The following CHAF1A variants were observed in gnomAD, a reference collection of about 807,000 sequenced individuals.
The protein encoded by CHAF1A is CAF-1 subunit A.
A neutral mutation model predicts 93.2 loss-of-function variants in CHAF1A; 5 were observed. That is an observed-to-expected ratio of 0.05 (90% confidence interval 0.03 to 0.11). CHAF1A has a LOEUF of 0.11. CHAF1A is among the 10% of genes least tolerant of loss of function. The pLI is 1.00. For missense variants in CHAF1A, 1,102 were observed against 1,259.9 expected, an observed-to-expected ratio of 0.87 and a Z score of 1.90; for synonymous variants, 504 against 510.3, an observed-to-expected ratio of 0.99 and a Z score of 0.17.
downstream of CHAF1A, among the ~76,000 whole-genome samples, chr19:4,443,836 C>T (rs192177791): frequency 3.5e-3 from 539 of 152,318 alleles, 2 homozygotes; most frequent in Middle Eastern, 0.01. Context: ...GGACAGGCGA[C>T]AGCCGCTGTG....
Position 4,442,359 on chromosome 19 carries a change from T to C in CHAF1A, c.2770+18T>C. The C allele has an allele frequency of 6.4e-7, 1 of 1,561,530 alleles. No individual in the cohort carries two copies. The highest frequency in any genetic ancestry group is 8.7e-7 in the Non-Finnish European group (1 of 1,147,880). Reference sequence around the variant, plus strand: ...TGCTGCGGGTGAGAAGGGCTGTAGATAGCAGAACGCACTGGTGAGGTGGGC... The same window carrying C: ...TGCTGCGGGTGAGAAGGGCTGTAGACAGCAGAACGCACTGGTGAGGTGGGC... On this transcript the variant is annotated intron_variant, in intron 14 of 14. Transcript: ENST00000301280.
intron 13 of CHAF1A, among the ~76,000 whole-genome samples, chr19:4,434,800 A>G (rs1158756723): frequency 1.3e-5 from 2 of 152,198 alleles, no homozygotes; most frequent in African/African-American, 2.4e-5. Context: ...TCTCAGACAC[A>G]GGTATATGCA....
intron 3 of CHAF1A, among the ~76,000 whole-genome samples, chr19:4,413,081 T>C (rs556410911): frequency 6.6e-6 from 1 of 152,216 alleles, no homozygotes; most frequent in Non-Finnish European, 1.5e-5. Context: ...TTTTATTTTT[T>C]ATTTTTTTTG....
At chr19:4,437,902 G>A (rs1436654381) in intron 13 of CHAF1A, among the ~76,000 whole-genome samples, 1 of 152,008 alleles carries the variant, frequency 6.6e-6, no homozygotes, top group Non-Finnish European at 1.5e-5. Context: ...ACCACGCCCA[G>A]CTAATTTTTT....
At chr19:4,429,104 G>T (rs545705643) in intron 8 of CHAF1A, 2 of 594,758 alleles carry the variant, frequency 3.4e-6, no homozygotes, top group South Asian at 2.1e-5. Context: ...CCAGCTCCTC[G>T]TGGAGGAATC....
intron 13 of CHAF1A, among the ~76,000 whole-genome samples, chr19:4,440,166 T>G (rs1974359459): frequency 2.6e-5 from 4 of 152,158 alleles, no homozygotes; most frequent in Non-Finnish European, 4.4e-5. Context: ...TTGAGGACTA[T>G]CCTCCCTACT....
At chr19:4,439,095 C>T (rs1187292046) in intron 13 of CHAF1A, among the ~76,000 whole-genome samples, 2 of 151,922 alleles carry the variant, frequency 1.3e-5, no homozygotes, top group Non-Finnish European at 1.5e-5. Flanking sequence ...CCAGCCTGGC[C>T]GACATGGTGA....
At chr19:4,416,175 A>G (rs1408106349) in intron 3 of CHAF1A, among the ~76,000 whole-genome samples, 1 of 150,510 alleles carries the variant, frequency 6.6e-6, no homozygotes, top group South Asian at 2.1e-4. Flanking sequence ...CTCCGTCTCA[A>G]AAAAAAAAAG....
chr19:4,432,721 C>T (rs1287471205), intron 12 of CHAF1A, among the ~76,000 whole-genome samples: 2 of 150,300 alleles, frequency 1.3e-5, no homozygotes, highest in African/African-American at 2.5e-5. Context: ...GATCCTGCCA[C>T]TGCACTCCAG....
rs1168292232 is a variant in CHAF1A, at chr19:4,433,592, T to A, written c.2673+53T>A. 6.5e-6 allele frequency: 9 copies of A among 1,392,840 alleles called. No homozygotes were observed. The South Asian group carries it at 1.3e-4, about 20-fold the overall frequency. The allele number at this position is 1,392,840 out of a possible 1,614,324, so 86.3% of individuals were successfully genotyped here. On this transcript the variant is annotated intron_variant, in intron 13 of 14. Transcript: ENST00000301280. The surrounding 1 kb of genome is among the most constrained non-coding windows in gnomAD (Gnocchi z 5.6). Reference sequence around the variant, plus strand: ...TCTGCAGGGCTTTTCTTTTTTTGTTTGTTTTTTGTTGTTTTGTTTTTTTTT... The same window carrying A: ...TCTGCAGGGCTTTTCTTTTTTTGTTAGTTTTTTGTTGTTTTGTTTTTTTTT...
At chr19:4,427,625 T>C (rs1241610791) in intron 7 of CHAF1A, among the ~76,000 whole-genome samples, 2 of 147,614 alleles carry the variant, frequency 1.4e-5, no homozygotes, top group African/African-American at 5.1e-5. Context: ...TCTTGCTCTA[T>C]CCCCCAGGCT....
At chr19:4,445,703 G>A (rs562890252), downstream of CHAF1A, 17 of 1,560,732 alleles carry the variant, frequency 1.1e-5, no homozygotes, top group African/African-American at 4.0e-5. Flanking sequence ...CAACCTGGGC[G>A]CGGGGATGCC....
intron 6 of CHAF1A, 109 bp downstream of exon 6, chr19:4,423,504 A>G (rs1343508901): frequency 6.4e-7 from 1 of 1,571,096 alleles, no homozygotes; most frequent in Non-Finnish European, 8.6e-7. Context: ...GTTTGGGGAA[A>G]CCAAATGGCG....
At chr19:4,435,357 C>T (rs1438553790) in intron 13 of CHAF1A, among the ~76,000 whole-genome samples, 3 of 151,938 alleles carry the variant, frequency 2.0e-5, no homozygotes, top group Non-Finnish European at 4.4e-5. Flanking sequence ...TGATTACAGG[C>T]ATGAGCCACC....
chr19:4,410,528 G>T (rs2145073918), intron 3 of CHAF1A, among the ~76,000 whole-genome samples: 1 of 151,816 alleles, frequency 6.6e-6, no homozygotes, highest in East Asian at 1.9e-4. Flanking sequence ...TTACAGGTGC[G>T]CACCACCACA....
chr19:4,447,736 A>G, downstream of CHAF1A: 1 of 1,130,138 alleles, frequency 8.8e-7, no homozygotes, highest in Non-Finnish European at 1.3e-6. Context: ...CTCTAGTCAG[A>G]GGGAAGAAGC....
Position 4,433,550 on chromosome 19 carries a change from G to A in CHAF1A, c.2673+11G>A, listed in dbSNP as rs747971834. 2.6e-6 allele frequency: 4 copies of A among 1,552,748 alleles called. No homozygotes were observed. The highest frequency in any genetic ancestry group is 3.5e-6 in the Non-Finnish European group (4 of 1,141,402). ...AGGCACGACGGCCAGGTGAGGTGGG[G>A]TGGGCAGGTGGGGGCCTCTGCAGGG... On this transcript the variant is annotated intron_variant, in intron 13 of 14. Coordinates refer to ENST00000301280, the MANE Select transcript of CHAF1A (RefSeq NM_005483.3). The surrounding 1 kb of genome is among the most constrained non-coding windows in gnomAD (Gnocchi z 5.6).
intron 5 of CHAF1A, 60 bp from the exon 6 acceptor site, chr19:4,423,275 T>G (rs755919612): frequency 6.2e-7 from 1 of 1,611,014 alleles, no homozygotes; most frequent in Non-Finnish European, 8.5e-7. Flanking sequence ...AGTTGAGTGC[T>G]GCGGTCCCTT....
downstream of CHAF1A, chr19:4,445,581 G>A (rs781621616): frequency 1.2e-6 from 2 of 1,613,744 alleles, no homozygotes; most frequent in East Asian, 2.2e-5. Context: ...ATGTCCTCCA[G>A]CACAGCCATG....
Sources: allele counts gnomAD v4.1 joint callset (sites outside exome capture counted in the v4.1 genomes callset), GRCh38; gene constraint gnomAD v4.1.1; non-coding constraint Gnocchi (gnomAD v3.1); transcripts MANE v1.5; gene names NCBI Gene and HGNC (gene_info 2026-07-23, HGNC 2026-07-21).